ARHGEF1: variants seen among roughly 807,000 people sequenced by gnomAD.
ARHGEF1 encodes the protein Rho guanine nucleotide exchange factor 1, also known as 115 kDa guanine nucleotide exchange factor.
ARHGEF1 carries 40 observed loss-of-function variants against 119.7 expected under a neutral mutation model. That is an observed-to-expected ratio of 0.33 (90% confidence interval 0.26 to 0.44). The LOEUF is 0.44. ARHGEF1 is among the 20% of genes least tolerant of loss of function. The pLI, the probability that ARHGEF1 is intolerant of heterozygous loss-of-function variation, is 1.00. For synonymous variants in ARHGEF1, 494 were observed against 521.0 expected, an observed-to-expected ratio of 0.95 and a Z score of 0.71; for missense variants, 976 against 1,268.3, an observed-to-expected ratio of 0.77 and a Z score of 3.50.
At position 41,902,634 on chromosome 19, in the gene ARHGEF1, C is replaced by A; in HGVS notation, c.1599C>A (p.Asp533Glu). ...LEQLKAKQRK[D>E]PRFCAFVQEA... ...AGCTCAAAGCCAAGCAACGCAAGGA[C>A]CCTCGGTTCTGTGCCTTCGTGCAGG... Residue 533 changes from aspartate (D) to glutamate (E), a missense_variant, in exon 17 of 29, where the codon GAC becomes GAA. This residue lies in a region of ARHGEF1 where 286 missense variants were observed against 506.8 expected (regional missense o/e 0.56). Transcript: ENST00000354532. The surrounding 1 kb of genome is among the most constrained non-coding windows in gnomAD (Gnocchi z 6.5). 6.2e-7 allele frequency: 1 copy of A among 1,614,208 alleles called. No homozygotes were observed. Among genetic ancestry groups the A allele is most frequent in the Non-Finnish European group, 8.5e-7 (1 of 1,180,020 alleles).
rs975125647 is a variant in ARHGEF1, at chr19:41,916,449, G to A, written c.1866-6643G>A. ...CACACACATCAGCATAGTCACAGAT[G>A]CACAGAAACAGACACACAGTTTTAC... On this transcript the variant is annotated intron_variant, in intron 18 of 20. Transcript: ENST00000599589. The surrounding 1 kb of genome is among the most constrained non-coding windows in gnomAD (Gnocchi z 5.4). 1.3e-5 allele frequency among the ~76,000 whole-genome samples: 2 copies of A among 151,646 alleles called. No individual in the cohort carries two copies. Among genetic ancestry groups the A allele is most frequent in the African/African-American group, 4.9e-5 (2 of 41,202 alleles).
At chr19:41,923,536 T>C (rs11083641) in intron 1 of ARHGEF1, among the ~76,000 whole-genome samples, 146,229 of 146,242 alleles carry the variant, frequency 1, 73,108 homozygotes, top group Non-Finnish European at 1. Context: ...GACTCAGAAT[T>C]AAGACAGGCA....
chr19:41,888,004 G>A lies in ARHGEF1; in HGVS notation c.-19-60G>A. ...TCACACCTGGGCCAGGAATCTGTGAGTAACCACCCTGGGCCGCCTCCTCCC... is the reference window on the plus strand; with the variant it reads ...TCACACCTGGGCCAGGAATCTGTGAATAACCACCCTGGGCCGCCTCCTCCC... On this transcript the variant is annotated intron_variant, in intron 1 of 28. Transcript: ENST00000354532. This position sits in a 1 kb window ranked among gnomAD's most constrained non-coding sequence, Gnocchi z 5.1. 6.4e-7 allele frequency: 1 copy of A among 1,560,196 alleles called. No individual in the cohort carries two copies. The highest frequency in any genetic ancestry group is 1.4e-5 in the African/African-American group (1 of 72,236).
chr19:41,891,537 G>T (rs2074376547), intron 4 of ARHGEF1, among the ~76,000 whole-genome samples: 1 of 152,184 alleles, frequency 6.6e-6, no homozygotes, highest in African/African-American at 2.4e-5. Flanking sequence ...ACCTGCCTTG[G>T]CCTCCCAAAG....
At chr19:41,894,135 A>AGTGAGT in intron 8 of ARHGEF1, 72 bp from the exon 9 acceptor site, 3 of 484,532 alleles carry the variant, frequency 6.2e-6, no homozygotes, top group African/African-American at 2.4e-5. Flanking sequence ...TGTGTGTGTG[A>AGTGAGT]GTGTGTGTGT....
In ARHGEF1 at chr19:41,917,341, C is replaced by G. The variant is rs1555852031; in HGVS notation, c.1866-5751C>G. ...TGTCATCTCTCTCTGCCTCTGTCTC[C>G]TAACGCCCCATCACCACGCCCCCCT... is the stretch of plus-strand genomic sequence containing the variant. On this transcript the variant is annotated intron_variant, in intron 18 of 20. Coordinates refer to the ARHGEF1 transcript ENST00000599589. This position sits in a 1 kb window ranked among gnomAD's most constrained non-coding sequence, Gnocchi z 4.8. 6.6e-6 allele frequency among the ~76,000 whole-genome samples: 1 copy of G among 151,996 alleles called. No individual in the cohort carries two copies. The highest frequency in any genetic ancestry group is 2.4e-5 in the African/African-American group (1 of 41,358).
chr19:41,901,942 C>T lies in ARHGEF1; in HGVS notation c.1323C>T (p.Leu441=). 6.2e-7 allele frequency: 1 copy of T among 1,613,912 alleles called. No individual in the cohort carries two copies. The highest frequency in any genetic ancestry group is 8.5e-7 in the Non-Finnish European group (1 of 1,180,044). ...HVRMLRVLHD[L]FFQPMAECLF... ...GCATGCTGCGGGTGCTGCACGACCT[C>T]TTCTTCCAGCCCATGGCAGAATGCC... is the stretch of plus-strand genomic sequence containing the variant. Residue 441 remains leucine (L), a synonymous_variant, in exon 15 of 29, where the codon CTC becomes CTT. Transcript: ENST00000354532.
At position 41,906,419 on chromosome 19, in the gene ARHGEF1, C is replaced by A; in HGVS notation, c.2492-38C>A. 4.6e-6 allele frequency: 7 copies of A among 1,523,052 alleles called. No homozygotes were observed. Among genetic ancestry groups the A allele is most frequent in the Non-Finnish European group, 5.3e-6 (6 of 1,139,730 alleles). 94.3% of individuals were successfully genotyped at this position (1,523,052 alleles called of 1,614,324 possible). A position where few individuals can be genotyped will look rare whatever the true frequency, so the allele number is the denominator to read the frequency against. Reference sequence around the variant, plus strand: ...CCATCCCAGATCCCAGCCCAGCCCCCTGGTCTCCTGACTCCACCCCTCCTT... The same window carrying A: ...CCATCCCAGATCCCAGCCCAGCCCCATGGTCTCCTGACTCCACCCCTCCTT... On this transcript the variant is annotated intron_variant, in intron 26 of 28. Coordinates refer to ENST00000354532, the MANE Select transcript of ARHGEF1 (RefSeq NM_004706.4). The surrounding 1 kb of genome is among the most constrained non-coding windows in gnomAD (Gnocchi z 4.5).
At position 41,896,388 on chromosome 19, in the gene ARHGEF1, C is replaced by T; in HGVS notation, c.1027C>T (p.Pro343Ser). 4 of 1,436,818 alleles carry T rather than the reference C, an allele frequency of 2.8e-6. No individual in the cohort carries two copies. Among genetic ancestry groups the T allele is most frequent in the Non-Finnish European group, 3.7e-6 (4 of 1,093,386 alleles). The allele number at this position is 1,436,818 out of a possible 1,614,324, so 89.0% of individuals were successfully genotyped here. Reference protein sequence around the residue: ...SPDREPGADAPLELGDSSPQG... With the variant: ...SPDREPGADASLELGDSSPQG... ...CCTCCACCCCACAGGTGCTGACGCCCCCCTGGAGCTGGGGGACTCATCCCC... is the reference window on the plus strand; with the variant it reads ...CCTCCACCCCACAGGTGCTGACGCCTCCCTGGAGCTGGGGGACTCATCCCC... Residue 343 changes from proline (P) to serine (S), a missense_variant, in exon 13 of 29, where the codon CCC becomes TCC. Around this residue, in one of 3 missense-constraint regions of ARHGEF1, gnomAD observed 519 missense variants for 580.9 expected, o/e 0.89. Transcript: ENST00000354532.
In ARHGEF1 at chr19:41,916,390, T is replaced by C. The variant is rs181122929; in HGVS notation, c.1866-6702T>C. Among the ~76,000 whole-genome samples, 1 of 151,882 alleles carries C rather than the reference T, an allele frequency of 6.6e-6. No individual in the cohort carries two copies. Among genetic ancestry groups the C allele is most frequent in the East Asian group, 1.9e-4 (1 of 5,146 alleles). On this transcript the variant is annotated intron_variant, in intron 18 of 20. Coordinates refer to the ARHGEF1 transcript ENST00000599589. This position sits in a 1 kb window ranked among gnomAD's most constrained non-coding sequence, Gnocchi z 5.4. ...CACATCACACAGATGCATGTGTCAG[T>C]AAAGTCACACACCAACACTGTCACA...
rs1465282271 is a variant in ARHGEF1 at position 41,916,430 on chromosome 19, CAT to C, written c.1866-6661_1866-6660del. Among the ~76,000 whole-genome samples the C allele has an allele frequency of 6.6e-6, 1 of 152,162 alleles. No homozygotes were observed. Among genetic ancestry groups the C allele is most frequent in the African/African-American group, 2.4e-5 (1 of 41,434 alleles). The stretch of plus-strand genomic sequence containing the variant: ...ACACTGTCACAGTCACACACACACA[CAT>C]CAGCATAGTCACAGATGCACAGAAA... On this transcript the variant is annotated intron_variant, in intron 18 of 20. Transcript: ENST00000599589. This position sits in a 1 kb window ranked among gnomAD's most constrained non-coding sequence, Gnocchi z 5.4.
At chr19:41,912,692 G>C (rs1555851366) in intron 18 of ARHGEF1, among the ~76,000 whole-genome samples, 1 of 152,148 alleles carries the variant, frequency 6.6e-6, no homozygotes, top group African/African-American at 2.4e-5. Flanking sequence ...TTTTAGCCAA[G>C]TTTCTCAGAA....
rs2074342427 is a variant in ARHGEF1, at chr19:41,889,399, G to C, written c.225+534G>C. 6.6e-6 allele frequency: 1 copy of C among 152,610 alleles called. No individual in the cohort carries two copies. The highest frequency in any genetic ancestry group is 2.1e-4 in the South Asian group (1 of 4,858). 9.5% of individuals were successfully genotyped at this position (152,610 alleles called of 1,614,324 possible). ...CTCACAAGGCAGACCACACAATTGT[G>C]GATCCAGAAGCCTCCGGATGAGGCA... On this transcript the variant is annotated intron_variant, in intron 4 of 28. Coordinates refer to ENST00000354532, the MANE Select transcript of ARHGEF1 (RefSeq NM_004706.4). The surrounding 1 kb of genome is among the most constrained non-coding windows in gnomAD (Gnocchi z 4.0).
At position 41,906,760 on chromosome 19, in the gene ARHGEF1, T is replaced by G; in HGVS notation, c.2713T>G (p.Ser905Ala). The G allele has an allele frequency of 6.2e-7, 1 of 1,611,268 alleles. No individual in the cohort carries two copies. Among genetic ancestry groups the G allele is most frequent in the South Asian group, 1.1e-5 (1 of 90,808 alleles). Residue 905 changes from serine to alanine, a missense_variant, in exon 28 of 29, where the codon TCT (serine) becomes GCT (alanine). By Grantham distance (99) the Ser-to-Ala change is moderately conservative. Transcript: ENST00000354532. This position sits in a 1 kb window ranked among gnomAD's most constrained non-coding sequence, Gnocchi z 4.5. ...RPLLSQLGGNSVPQPGCT is the reference protein window; with the variant it reads ...RPLLSQLGGNAVPQPGCT Reference sequence around the variant, plus strand: ...CCTCCTGTCTCAGCTTGGGGGGAACTCTGTCCCCCAGCCTGGCTGCACTTG... The same window carrying G: ...CCTCCTGTCTCAGCTTGGGGGGAACGCTGTCCCCCAGCCTGGCTGCACTTG...
rs782339922 is a variant in ARHGEF1, at chr19:41,888,288, A to C, written c.111+10A>C. The C allele has an allele frequency of 6.2e-7, 1 of 1,613,182 alleles. No individual in the cohort carries two copies. Among genetic ancestry groups the C allele is most frequent in the Non-Finnish European group, 8.5e-7 (1 of 1,179,786 alleles). On this transcript the variant is annotated intron_variant, in intron 3 of 28. Transcript: ENST00000354532. This position sits in a 1 kb window ranked among gnomAD's most constrained non-coding sequence, Gnocchi z 5.1. ...GAACGAGCTGGAGACAGTGAGTGGG[A>C]GATAGGGTGGAAAAGCTCTGTCCCA... is the stretch of plus-strand genomic sequence containing the variant.
Position 41,906,989 on chromosome 19 carries a change from C to T in ARHGEF1, c.*18-116C>T. On this transcript the variant is annotated intron_variant, in intron 28 of 28. Transcript: ENST00000354532. The surrounding 1 kb of genome is among the most constrained non-coding windows in gnomAD (Gnocchi z 4.5). ...TCTGTTTCTCTGTCTCTGTGCCCGC[C>T]TGCCTCTCCCCACCTCCCCTTCTCT... is the stretch of plus-strand genomic sequence containing the variant. 9.3e-7 allele frequency: 1 copy of T among 1,079,318 alleles called. No homozygotes were observed. Among genetic ancestry groups the T allele is most frequent in the Non-Finnish European group, 1.3e-6 (1 of 776,490 alleles). 66.9% of individuals were successfully genotyped at this position (1,079,318 alleles called of 1,614,324 possible). A position where few individuals can be genotyped will look rare whatever the true frequency, so the allele number is the denominator to read the frequency against.
intron 1 of ARHGEF1, among the ~76,000 whole-genome samples, chr19:41,923,540 A>G (rs1380546586): frequency 6.8e-6 from 1 of 148,080 alleles, no homozygotes; most frequent in Non-Finnish European, 1.5e-5. Flanking sequence ...CAGAATTAAG[A>G]CAGGCAGACA....
At chr19:41,909,039 C>A, downstream of ARHGEF1, 1 of 1,215,852 alleles carries the variant, frequency 8.2e-7, no homozygotes, top group South Asian at 4.2e-5. This position sits in a 1 kb window ranked among gnomAD's most constrained non-coding sequence, Gnocchi z 5.2. Context: ...CCCCAGCACC[C>A]CAGAACCTCC....
Position 41,906,548 on chromosome 19 carries a change from C to T in ARHGEF1, c.2583C>T (p.Pro861=). 6.3e-7 allele frequency: 1 copy of T among 1,588,584 alleles called. No homozygotes were observed. The highest frequency in any genetic ancestry group is 8.5e-7 in the Non-Finnish European group (1 of 1,173,606). Residue 861 remains proline, a synonymous_variant, in exon 27 of 29, where the codon CCC becomes CCT. Coordinates refer to ENST00000354532, the MANE Select transcript of ARHGEF1 (RefSeq NM_004706.4). This position sits in a 1 kb window ranked among gnomAD's most constrained non-coding sequence, Gnocchi z 4.5. Reference sequence around the variant, plus strand: ...GGGATGGGGTCCCAGGGGGCGGCCCCCTGAGCCCAGCACGGACCCAGGAAA... The same window carrying T: ...GGGATGGGGTCCCAGGGGGCGGCCCTCTGAGCCCAGCACGGACCCAGGAAA... ...RDGDGVPGGG[P]LSPARTQEIQ...
Sources: allele counts gnomAD v4.1 joint callset (sites outside exome capture counted in the v4.1 genomes callset), GRCh38; gene constraint gnomAD v4.1.1; regional missense constraint gnomAD v4.1.1; non-coding constraint Gnocchi (gnomAD v3.1); transcripts MANE v1.5; gene names NCBI Gene and HGNC (gene_info 2026-07-23, HGNC 2026-07-21).